Variants in NT5DC3 observed in about 807,000 individuals in gnomAD.
NT5DC3 encodes 5'-nucleotidase domain-containing protein 3.
NT5DC3 carries 42 observed loss-of-function variants against 67.8 expected under a neutral mutation model. That is an observed-to-expected ratio of 0.62 (90% CI 0.48 to 0.80). NT5DC3 has a LOEUF of 0.80. NT5DC3 is among the 30% of genes least tolerant of loss of function. NT5DC3 has a pLI of 0.00. For missense variants in NT5DC3, 570 were observed against 696.4 expected (o/e 0.82, Z 2.04); for synonymous variants, 237 against 255.6 (o/e 0.93, Z 0.69).
Position 103,794,151 on chromosome 12 carries a change from C to CTTT in NT5DC3, c.754-157_754-155dup, listed in dbSNP as rs796470465. On this transcript the variant is annotated intron_variant, in intron 6 of 13. Coordinates refer to ENST00000392876, the MANE Select transcript of NT5DC3 (RefSeq NM_001031701.3). Reference sequence around the variant, plus strand: ...CTAAATTCTGGTCCATTTTCTTCTTCTTTTTTTTTTTTTTTTGAGACAGAG... The same window carrying CTTT: ...CTAAATTCTGGTCCATTTTCTTCTTCTTTTTTTTTTTTTTTTTTTGAGACAGAG... 7.1e-3 allele frequency among the ~76,000 whole-genome samples: 987 copies of CTTT among 139,970 alleles called. 16 individuals are homozygous for CTTT. Among genetic ancestry groups the CTTT allele is most frequent in the African/African-American group, 0.025 (948 of 37,968 alleles). The allele number at this position is 139,970 out of a possible 152,430, so 91.8% of individuals were successfully genotyped here.
chr12:103,765,682 C>T (rs919824744), downstream of NT5DC3, among the ~76,000 whole-genome samples: 1 of 152,186 alleles, frequency 6.6e-6, no homozygotes, highest in Non-Finnish European at 1.5e-5. Context: ...TCCCGAGTAG[C>T]TGGGCCTACA....
At chr12:103,769,722 G>A (rs1422841070), downstream of NT5DC3, among the ~76,000 whole-genome samples, 1 of 152,238 alleles carries the variant, frequency 6.6e-6, no homozygotes, top group Non-Finnish European at 1.5e-5. Flanking sequence ...AAGATATATG[G>A]ACTGAGCCTC....
chr12:103,760,868 G>GA, the NT5DC3 span, among the ~76,000 whole-genome samples: 10 of 152,232 alleles, frequency 6.6e-5, no homozygotes, highest in Non-Finnish European at 1.5e-4. Flanking sequence ...TTCAGCAGGG[G>GA]AGAAGGCACA....
the NT5DC3 span, chr12:103,761,389 A>G: frequency 6.2e-7 from 1 of 1,613,696 alleles, no homozygotes; most frequent in Non-Finnish European, 8.5e-7. Flanking sequence ...CCAGGCCTTT[A>G]AAAGCACCCC....
chr12:103,769,980 C>T (rs955682389), downstream of NT5DC3, among the ~76,000 whole-genome samples: 2 of 152,204 alleles, frequency 1.3e-5, no homozygotes, highest in Non-Finnish European at 1.5e-5. Context: ...CTCAGCCTCT[C>T]GGCAGGACTT....
intron 10 of NT5DC3, among the ~76,000 whole-genome samples, chr12:103,788,183 G>A (rs1014294608): frequency 1.3e-5 from 2 of 152,216 alleles, no homozygotes; most frequent in Non-Finnish European, 2.9e-5. Flanking sequence ...GGTTATGCCT[G>A]TAATCCCAGC....
At chr12:103,830,153 G>A (rs912476753) in intron 1 of NT5DC3, among the ~76,000 whole-genome samples, 10 of 152,182 alleles carry the variant, frequency 6.6e-5, no homozygotes, top group East Asian at 5.8e-4. Flanking sequence ...ACCAATCCTC[G>A]GAGACAGGTA....
the NT5DC3 span, chr12:103,757,909 C>T: frequency 2.0e-6 from 1 of 488,880 alleles, no homozygotes; most frequent in Non-Finnish European, 3.7e-6. Flanking sequence ...ATTTGATGCA[C>T]CTTTCAAAGG....
At chr12:103,799,804 C>CAAAA (rs72379630) in intron 4 of NT5DC3, among the ~76,000 whole-genome samples, 2 of 131,492 alleles carry the variant, frequency 1.5e-5, no homozygotes, top group Non-Finnish European at 1.6e-5. Context: ...CTCCACATAC[C>CAAAA]AAAAAAAAAA....
At chr12:103,767,836 A>T (rs1458263352), downstream of NT5DC3, among the ~76,000 whole-genome samples, 1 of 151,970 alleles carries the variant, frequency 6.6e-6, no homozygotes, top group Non-Finnish European at 1.5e-5. Context: ...TAATCCCAGC[A>T]CTTTGGGAGG....
chr12:103,814,471 T>A (rs11611059), intron 2 of NT5DC3, among the ~76,000 whole-genome samples: 18,556 of 152,236 alleles, frequency 0.12, 1,188 homozygotes, highest in African/African-American at 0.14. Flanking sequence ...GGTTGCATAT[T>A]TTCTTTTTTT....
intron 4 of NT5DC3, among the ~76,000 whole-genome samples, chr12:103,800,357 A>G (rs1222955892): frequency 6.6e-6 from 1 of 152,246 alleles, no homozygotes; most frequent in Non-Finnish European, 1.5e-5. Context: ...CACTGGCACT[A>G]AGCCAGATCA....
intron 4 of NT5DC3, among the ~76,000 whole-genome samples, chr12:103,801,182 G>C (rs1447309386): frequency 6.6e-6 from 1 of 151,972 alleles, no homozygotes; most frequent in Non-Finnish European, 1.5e-5. Context: ...TCAGGGCTTA[G>C]AAACAAACTA....
At chr12:103,810,099 G>A (rs1022714603) in intron 2 of NT5DC3, among the ~76,000 whole-genome samples, 3 of 152,184 alleles carry the variant, frequency 2.0e-5, no homozygotes, top group East Asian at 1.9e-4. Flanking sequence ...GAGTGGCTTC[G>A]CTGGATTGAG....
At chr12:103,762,287 C>T in the NT5DC3 span, 1 of 1,614,102 alleles carries the variant, frequency 6.2e-7, no homozygotes, top group African/African-American at 1.3e-5. Context: ...TTGACCCACA[C>T]TGGCTTGGGA....
intron 1 of NT5DC3, among the ~76,000 whole-genome samples, chr12:103,816,618 T>G (rs919635250): frequency 6.6e-6 from 1 of 152,210 alleles, no homozygotes; most frequent in African/African-American, 2.4e-5. Context: ...CTTGGAAGCC[T>G]TTCAAAAATT....
the NT5DC3 span, chr12:103,753,331 A>C: frequency 6.2e-7 from 1 of 1,614,222 alleles, no homozygotes; most frequent in Non-Finnish European, 8.5e-7. Flanking sequence ...GCAACCTACA[A>C]CCAGCTCTCC....
At chr12:103,768,379 G>C (rs1383642749), downstream of NT5DC3, among the ~76,000 whole-genome samples, 4 of 149,512 alleles carry the variant, frequency 2.7e-5, no homozygotes, top group Admixed American at 1.3e-4. Flanking sequence ...AGGTTGCAGT[G>C]AGCCAAGATC....
chr12:103,826,216 T>C (rs1204943073), intron 1 of NT5DC3, among the ~76,000 whole-genome samples: 1 of 152,236 alleles, frequency 6.6e-6, no homozygotes, highest in Non-Finnish European at 1.5e-5. Flanking sequence ...ACTATTCTCA[T>C]AGTAAGATGT....
Sources: gnomAD v4.1 joint callset for allele counts (sites outside exome capture counted in the v4.1 genomes callset) on GRCh38, gnomAD v4.1.1 for gene constraint, MANE v1.5 for transcripts, NCBI Gene and HGNC (gene_info 2026-07-23, HGNC 2026-07-21) for gene names.